TUSC3: variants seen among roughly 807,000 people sequenced by gnomAD.
TUSC3 encodes tumor suppressor candidate 3.
TUSC3 carries 45 observed loss-of-function variants against 44.8 expected under a neutral mutation model. The ratio of observed to expected loss-of-function variants is 1.00; its 90% CI spans 0.79 to 1.29. The LOEUF (loss-of-function observed/expected upper bound fraction) is 1.29, where lower values mean the gene tolerates loss of function less well. Among genes scored for constraint, TUSC3 ranks in the 50% most tolerant of loss-of-function variants. The pLI, the probability that TUSC3 is intolerant of heterozygous loss-of-function variation, is 0.00. For missense variants in TUSC3, 519 were observed against 437.9 expected (o/e 1.19, Z -1.65); for synonymous variants, 212 against 152.9 (o/e 1.39, Z -2.85).
intron 2 of TUSC3, among the ~76,000 whole-genome samples, chr8:15,647,953 G>C (rs1174754235): frequency 6.6e-6 from 1 of 152,022 alleles, no homozygotes; most frequent in African/African-American, 2.4e-5. Flanking sequence ...ATAGTGTTTT[G>C]ATATATCCCA....
At chr8:15,571,692 G>A (rs550760252) in intron 1 of TUSC3, among the ~76,000 whole-genome samples, 1 of 152,214 alleles carries the variant, frequency 6.6e-6, no homozygotes, top group South Asian at 2.1e-4. Context: ...TCTGTTGCAT[G>A]GAATGCTGTT....
rs774932192 is a variant in TUSC3 at position 15,473,327 on chromosome 8, A to G, written n.92-10059A>G. Among the ~76,000 whole-genome samples the G allele has an allele frequency of 7.9e-5, 12 of 152,166 alleles. 1 individual carries two copies. The highest frequency in any genetic ancestry group is 1.9e-4 in the East Asian group (1 of 5,194). The stretch of plus-strand genomic sequence containing the variant: ...ACAACACTGCAACAAAAAAATTTCA[A>G]TTCTTCTGAAAGGAAATGTTTCATC... On this transcript the variant is annotated intron_variant and non_coding_transcript_variant, in intron 1 of 5. Transcript: ENST00000503191.
chr8:15,478,981 G>C (rs1371941943), intron 1 of TUSC3, among the ~76,000 whole-genome samples: 2 of 152,054 alleles, frequency 1.3e-5, no homozygotes, highest in African/African-American at 2.4e-5. Context: ...ATTGTGACTG[G>C]CATGAGATGC....
intron 2 of TUSC3, among the ~76,000 whole-genome samples, chr8:15,530,699 A>G (rs527440317): frequency 6.6e-6 from 1 of 152,224 alleles, no homozygotes; most frequent in Non-Finnish European, 1.5e-5. Flanking sequence ...CATATTTTCA[A>G]TGTAATAGTA....
chr8:15,561,636 C>T (rs977817988), intron 1 of TUSC3: 1 of 154,280 alleles, frequency 6.5e-6, no homozygotes, highest in Non-Finnish European at 1.4e-5. Flanking sequence ...TCTCAGACTG[C>T]AGTGCTAGCA....
At chr8:15,534,643 T>A (rs1184572500) in intron 2 of TUSC3, among the ~76,000 whole-genome samples, 10 of 129,900 alleles carry the variant, frequency 7.7e-5, no homozygotes, top group African/African-American at 1.2e-4. Flanking sequence ...ACTCGGTCTT[T>A]AAAAAAAAAA....
chr8:15,799,149 T>G, the TUSC3 span, among the ~76,000 whole-genome samples: 1 of 152,166 alleles, frequency 6.6e-6, no homozygotes, highest in Middle Eastern at 3.4e-3. Flanking sequence ...CCACTCTAAG[T>G]CCGTGTAGGG....
the TUSC3 span, among the ~76,000 whole-genome samples, chr8:15,788,627 G>C: frequency 2.5e-3 from 378 of 151,842 alleles, 1 homozygote; most frequent in African/African-American, 8.8e-3. Flanking sequence ...CATCCAGACT[G>C]CCTACCCCGG....
chr8:15,439,611 A>G (rs1179674808), intron 1 of TUSC3, among the ~76,000 whole-genome samples: 3 of 152,232 alleles, frequency 2.0e-5, no homozygotes, highest in Admixed American at 6.5e-5. Flanking sequence ...TGGAAGTCAT[A>G]CACAACACTG....
intron 6 of TUSC3, among the ~76,000 whole-genome samples, chr8:15,697,755 G>T (rs897409789): frequency 1.3e-5 from 2 of 152,110 alleles, no homozygotes; most frequent in African/African-American, 2.4e-5. Context: ...AAAGGATTTC[G>T]TTTTTGTTGT....
intron 2 of TUSC3, among the ~76,000 whole-genome samples, chr8:15,648,759 C>A (rs865777334): frequency 0.093 from 4,664 of 50,148 alleles, 113 homozygotes; most frequent in African/African-American, 0.18. Flanking sequence ...AAAAAAAAGA[C>A]ATCTCCTGTT....
chr8:15,843,910 T>C, the TUSC3 span, among the ~76,000 whole-genome samples: 1 of 152,120 alleles, frequency 6.6e-6, no homozygotes, highest in Non-Finnish European at 1.5e-5. Context: ...AATTCTACCT[T>C]AAGCTGTATT....
chr8:15,448,992 T>G (rs1800149596), intron 1 of TUSC3, among the ~76,000 whole-genome samples: 1 of 152,194 alleles, frequency 6.6e-6, no homozygotes. Context: ...TATAGTAGTG[T>G]CTAGTAATGT....
the TUSC3 span, among the ~76,000 whole-genome samples, chr8:15,784,562 C>T: frequency 6.4e-4 from 96 of 151,178 alleles, no homozygotes; most frequent in African/African-American, 2.1e-3. Flanking sequence ...ACACACACAC[C>T]GTGGAATACC....
At chr8:15,418,042 G>C (rs1424844176) in intron 1 of TUSC3, among the ~76,000 whole-genome samples, 4 of 152,152 alleles carry the variant, frequency 2.6e-5, no homozygotes, top group Non-Finnish European at 4.4e-5. Context: ...CCGTTAGATA[G>C]ACAGTTACGA....
rs997907874 is a variant in TUSC3, at chr8:15,702,094, C to T, written c.798+28258C>T. 9.2e-5 allele frequency among the ~76,000 whole-genome samples: 14 copies of T among 152,204 alleles called. No homozygotes were observed. In the East Asian group the frequency reaches 1.2e-3, roughly 13 times the overall value. The stretch of plus-strand genomic sequence containing the variant: ...GAGCCATTATGTAAGAGACCAGTCA[C>T]GGCTGTGTGGAGAACGAAATCAAGA... On this transcript the variant is annotated intron_variant, in intron 6 of 10. Transcript: ENST00000503731.
At chr8:15,446,906 A>G (rs1251078557) in intron 1 of TUSC3, among the ~76,000 whole-genome samples, 1 of 38,452 alleles carries the variant, frequency 2.6e-5, no homozygotes, top group Non-Finnish European at 1.4e-4. Flanking sequence ...AACAGAAAAA[A>G]AAACAAAGGA....
At chr8:15,825,522 T>C in the TUSC3 span, among the ~76,000 whole-genome samples, 4 of 152,198 alleles carry the variant, frequency 2.6e-5, no homozygotes, top group Admixed American at 6.6e-5. Flanking sequence ...GAAGGAATTA[T>C]GGGAGCTACA....
intron 1 of TUSC3, among the ~76,000 whole-genome samples, chr8:15,615,246 T>A (rs1804940343): frequency 6.6e-6 from 1 of 152,208 alleles, no homozygotes; most frequent in South Asian, 2.1e-4. Context: ...AACAAAAGTG[T>A]TGTATATACA....
Sources: gnomAD v4.1 joint callset for allele counts (sites outside exome capture counted in the v4.1 genomes callset) on GRCh38, gnomAD v4.1.1 for gene constraint, MANE v1.5 for transcripts, NCBI Gene and HGNC (gene_info 2026-07-23, HGNC 2026-07-21) for gene names.